BICC1: variants seen among roughly 807,000 people sequenced by gnomAD.
BICC1 encodes protein bicaudal C homolog 1.
BICC1 carries 43 observed loss-of-function variants against 111.0 expected under a neutral mutation model. The ratio of observed to expected loss-of-function variants is 0.39; its 90% CI spans 0.30 to 0.50. BICC1 has a LOEUF of 0.50. BICC1 is among the 20% of genes least tolerant of loss of function. The pLI is 0.88. For synonymous variants in BICC1, 467 were observed against 434.4 expected (o/e 1.07, Z -0.93); for missense variants, 1,091 against 1,203.2 (o/e 0.91, Z 1.38).
chr10:58,768,457 C>T (rs886101447), intron 3 of BICC1, among the ~76,000 whole-genome samples: 6 of 151,948 alleles, frequency 3.9e-5, no homozygotes, highest in Non-Finnish European at 5.9e-5. Flanking sequence ...AAATGGTAAA[C>T]GAAATTGTTC....
intron 1 of BICC1, among the ~76,000 whole-genome samples, chr10:58,594,492 A>G (rs1158234734): frequency 6.6e-6 from 1 of 152,216 alleles, no homozygotes; most frequent in Non-Finnish European, 1.5e-5. Context: ...CAGGCTACCA[A>G]CAAAGGGAAG....
intron 3 of BICC1, among the ~76,000 whole-genome samples, chr10:58,781,427 C>T (rs1392471169): frequency 6.6e-6 from 1 of 152,100 alleles, no homozygotes; most frequent in East Asian, 1.9e-4. Flanking sequence ...AAACATGACC[C>T]CTGTGTTCAG....
intron 1 of BICC1, among the ~76,000 whole-genome samples, chr10:58,581,589 A>G (rs1033782683): frequency 2.6e-5 from 4 of 152,192 alleles, no homozygotes; most frequent in Non-Finnish European, 1.5e-5. Context: ...ACATCAATTG[A>G]TAGATGTTGG....
At chr10:58,676,049 C>T (rs1839329705) in intron 2 of BICC1, among the ~76,000 whole-genome samples, 1 of 152,128 alleles carries the variant, frequency 6.6e-6, no homozygotes, top group Non-Finnish European at 1.5e-5. Flanking sequence ...AACTCCCTCC[C>T]CTAGCCAAGG....
intron 3 of BICC1, among the ~76,000 whole-genome samples, chr10:58,705,101 C>T (rs1409823394): frequency 6.6e-6 from 1 of 152,176 alleles, no homozygotes; most frequent in Non-Finnish European, 1.5e-5. Flanking sequence ...CCTGAATTTG[C>T]CATCAGTTAG....
chr10:58,627,423 T>G (rs1319858954), intron 2 of BICC1, among the ~76,000 whole-genome samples: 1 of 152,246 alleles, frequency 6.6e-6, no homozygotes, highest in Non-Finnish European at 1.5e-5. Flanking sequence ...TGTTCTCCCT[T>G]TATGACTTAA....
intron 2 of BICC1, among the ~76,000 whole-genome samples, chr10:58,693,979 G>A (rs1036441446): frequency 2.6e-5 from 4 of 152,118 alleles, no homozygotes; most frequent in African/African-American, 9.7e-5. Context: ...TTCTTCTAGG[G>A]TTTTTATGGT....
At chr10:58,729,408 A>G (rs1381146039) in intron 3 of BICC1, among the ~76,000 whole-genome samples, 1 of 152,030 alleles carries the variant, frequency 6.6e-6, no homozygotes, top group Admixed American at 6.5e-5. Flanking sequence ...TAGCTTCCTT[A>G]CCTCTCTCAG....
chr10:58,761,228 A>T (rs1191593268), intron 3 of BICC1, among the ~76,000 whole-genome samples: 1 of 152,188 alleles, frequency 6.6e-6, no homozygotes, highest in Non-Finnish European at 1.5e-5. Flanking sequence ...ATACAGATGA[A>T]GGCTACCCCA....
At chr10:58,690,345 C>A (rs1839875057) in intron 2 of BICC1, among the ~76,000 whole-genome samples, 1 of 152,238 alleles carries the variant, frequency 6.6e-6, no homozygotes, top group Admixed American at 6.5e-5. Context: ...ATGCAGAATT[C>A]TTCCTGTTTT....
intron 20 of BICC1, among the ~76,000 whole-genome samples, chr10:58,822,695 T>C (rs1458034336): frequency 6.6e-6 from 1 of 152,138 alleles, no homozygotes; most frequent in East Asian, 1.9e-4. Flanking sequence ...AATTATTTTC[T>C]CTGAAAGCAA....
chr10:58,793,157 C>T (rs929250461), intron 8 of BICC1, among the ~76,000 whole-genome samples: 5 of 152,034 alleles, frequency 3.3e-5, no homozygotes, highest in East Asian at 1.9e-4. Flanking sequence ...TTGATATAGT[C>T]GAGAATCTAG....
At chr10:58,793,717 C>A (rs560370214) in intron 9 of BICC1, 102 bp downstream of exon 9, 12 of 1,307,534 alleles carry the variant, frequency 9.2e-6, no homozygotes, top group Middle Eastern at 2.0e-4. Context: ...GAAACTGTTA[C>A]TCTATACAGG....
At position 58,793,723 on chromosome 10, in the gene BICC1, A is replaced by G. The variant is rs1435699593; in HGVS notation, c.1179+108A>G. 14 of 1,249,758 alleles carry G rather than the reference A, an allele frequency of 1.1e-5. No individual in the cohort carries two copies. In the Admixed American group the frequency reaches 3.3e-4, roughly 29 times the overall value. 77.4% of individuals were successfully genotyped at this position (1,249,758 alleles called of 1,614,324 possible). A position where few individuals can be genotyped will look rare whatever the true frequency, so the allele number is the denominator to read the frequency against. The stretch of plus-strand genomic sequence containing the variant: ...CATATACATGAAACTGTTACTCTAT[A>G]CAGGTTGAATATCCCCAATCCGGAA... On this transcript the variant is annotated intron_variant, in intron 9 of 20. Transcript: ENST00000373886.
intron 1 of BICC1, among the ~76,000 whole-genome samples, chr10:58,580,297 T>C (rs754801221): frequency 6.6e-6 from 1 of 152,178 alleles, no homozygotes; most frequent in Non-Finnish European, 1.5e-5. Context: ...TTGCTGGGAT[T>C]ACAGGTGTGA....
At chr10:58,647,573 A>AT (rs1365389634) in intron 2 of BICC1, among the ~76,000 whole-genome samples, 1 of 152,054 alleles carries the variant, frequency 6.6e-6, no homozygotes, top group African/African-American at 2.4e-5. Context: ...CCCCAAGGTG[A>AT]TTTTTCCACA....
intron 3 of BICC1, among the ~76,000 whole-genome samples, chr10:58,738,876 T>G (rs1486495573): frequency 9.2e-5 from 14 of 152,154 alleles, no homozygotes; most frequent in Admixed American, 3.3e-4. Context: ...CACTCATGAT[T>G]TGGCTCTCTG....
At chr10:58,796,743 A>G (rs1843367230) in intron 10 of BICC1, among the ~76,000 whole-genome samples, 1 of 152,096 alleles carries the variant, frequency 6.6e-6, no homozygotes, top group African/African-American at 2.4e-5. Context: ...TGCATAAATA[A>G]TCAAGGTCTG....
chr10:58,815,107 A>G lies in BICC1; in HGVS notation c.2533+1121A>G, dbSNP rs1232459042. Among the ~76,000 whole-genome samples, 5 of 83,166 alleles carry G rather than the reference A, an allele frequency of 6.0e-5. No homozygotes were observed. The East Asian group carries it at 2.1e-3, about 35-fold the overall frequency. 54.6% of individuals were successfully genotyped at this position (83,166 alleles called of 152,430 possible). A position where few individuals can be genotyped will look rare whatever the true frequency, so the allele number is the denominator to read the frequency against. ...AAGATATGCCCCAATGCCTTTTTTC[A>G]GGGTTTTTGACAAATTTGGAATCCT... On this transcript the variant is annotated intron_variant, in intron 18 of 20. Coordinates refer to ENST00000373886, the MANE Select transcript of BICC1 (RefSeq NM_001080512.3).
Sources: gnomAD v4.1 joint callset for allele counts (sites outside exome capture counted in the v4.1 genomes callset) on GRCh38, gnomAD v4.1.1 for gene constraint, MANE v1.5 for transcripts, NCBI Gene and HGNC (gene_info 2026-07-23, HGNC 2026-07-21) for gene names.